SCFD2: variants seen among roughly 807,000 people sequenced by gnomAD.
SCFD2 encodes the protein sec1 family domain containing 2.
Under a neutral mutation model 58.9 loss-of-function variants are expected in SCFD2, and 54 were observed. That is an observed-to-expected ratio of 0.92 (90% CI 0.74 to 1.15). The LOEUF (loss-of-function observed/expected upper bound fraction) is 1.15, where lower values mean the gene tolerates loss of function less well. Ranked by LOEUF, SCFD2 falls within the 50% of genes most tolerant of loss-of-function variation. The pLI, the probability that SCFD2 is intolerant of heterozygous loss-of-function variation, is 0.00. For synonymous variants in SCFD2, 321 were observed against 335.9 expected (o/e 0.96, Z 0.49); for missense variants, 805 against 836.6 (o/e 0.96, Z 0.47).
intron 4 of SCFD2, among the ~76,000 whole-genome samples, chr4:53,211,724 T>C (rs1728619513): frequency 6.6e-6 from 1 of 152,124 alleles, no homozygotes; most frequent in Non-Finnish European, 1.5e-5. Context: ...TTCTTCTGTG[T>C]TGATGATTGT....
At chr4:52,907,354 T>C in intron 7 of SCFD2, 103 bp downstream of exon 7, 1 of 1,119,840 alleles carries the variant, frequency 8.9e-7, no homozygotes, top group Non-Finnish European at 1.3e-6. Flanking sequence ...ATACCAAATG[T>C]TATCTGTATG....
chr4:53,006,409 T>C (rs1282820200), intron 5 of SCFD2, among the ~76,000 whole-genome samples: 1 of 152,218 alleles, frequency 6.6e-6, no homozygotes, highest in African/African-American at 2.4e-5. Flanking sequence ...TATTCGCCTT[T>C]CATCAAAAAT....
chr4:53,232,978 A>G (rs1328783788), intron 4 of SCFD2, among the ~76,000 whole-genome samples: 1 of 152,140 alleles, frequency 6.6e-6, no homozygotes, highest in Non-Finnish European at 1.5e-5. Flanking sequence ...AGTCTCAGGC[A>G]CCCACTAATG....
At chr4:53,117,136 A>G (rs1019346514) in intron 5 of SCFD2, among the ~76,000 whole-genome samples, 1 of 152,142 alleles carries the variant, frequency 6.6e-6, no homozygotes, top group Non-Finnish European at 1.5e-5. Context: ...AACTTGAGGG[A>G]ATTCCAGACC....
At chr4:53,140,246 T>A (rs1441398736) in intron 5 of SCFD2, among the ~76,000 whole-genome samples, 1 of 151,220 alleles carries the variant, frequency 6.6e-6, no homozygotes, top group Non-Finnish European at 1.5e-5. Flanking sequence ...GAAAAAGGGA[T>A]ATCATTTAAA....
At chr4:53,338,324 G>A (rs1434227510) in intron 2 of SCFD2, among the ~76,000 whole-genome samples, 2 of 152,062 alleles carry the variant, frequency 1.3e-5, no homozygotes, top group Non-Finnish European at 2.9e-5. Context: ...AGAAATAATA[G>A]CTGAAAACTT....
At chr4:53,335,090 A>G (rs752672688) in intron 2 of SCFD2, among the ~76,000 whole-genome samples, 25 of 151,794 alleles carry the variant, frequency 1.6e-4, no homozygotes, top group Admixed American at 3.3e-4. Context: ...CCAGTTACTC[A>G]ATGACTGAGG....
intron 4 of SCFD2, among the ~76,000 whole-genome samples, chr4:53,185,195 A>C (rs967136206): frequency 1.3e-5 from 2 of 152,138 alleles, no homozygotes; most frequent in African/African-American, 2.4e-5. Flanking sequence ...TATTAAATTT[A>C]TGATAAGTAA....
chr4:52,983,826 G>C (rs1721431103), intron 5 of SCFD2, among the ~76,000 whole-genome samples: 1 of 152,170 alleles, frequency 6.6e-6, no homozygotes, highest in South Asian at 2.1e-4. Context: ...TCATTACCTG[G>C]AATATGGAAA....
At chr4:53,129,259 G>A (rs538535324) in intron 5 of SCFD2, among the ~76,000 whole-genome samples, 2 of 151,002 alleles carry the variant, frequency 1.3e-5, no homozygotes, top group African/African-American at 4.9e-5. Flanking sequence ...AAAACAAAAC[G>A]AACAGAAAAA....
intron 5 of SCFD2, among the ~76,000 whole-genome samples, chr4:52,947,768 G>T (rs1720472431): frequency 6.6e-6 from 1 of 150,680 alleles, no homozygotes; most frequent in South Asian, 2.1e-4. Context: ...AAAAATACAG[G>T]TGTACTAAAT....
rs1724130152 is a variant in SCFD2, at chr4:53,080,970, A to AT, written c.1561+64362_1561+64363insA. On this transcript the variant is annotated intron_variant, in intron 5 of 8. Transcript: ENST00000401642. ...GATGTTAAAATTGGAAAAAAATTGT[A>AT]CATCTTAAAGTAGATGAAATACATT... Among the ~76,000 whole-genome samples the AT allele has an allele frequency of 2.0e-5, 3 of 152,326 alleles. No individual in the cohort carries two copies. The South Asian group carries it at 6.2e-4, about 32-fold the overall frequency.
Position 53,325,363 on chromosome 4 carries a change from G to A in SCFD2, c.1008-11600C>T, listed in dbSNP as rs1342919540. Among the ~76,000 whole-genome samples the A allele has an allele frequency of 2.6e-5, 4 of 151,940 alleles. No individual in the cohort carries two copies. In the East Asian group the frequency reaches 7.7e-4, roughly 29 times the overall value. On this transcript the variant is annotated intron_variant, in intron 2 of 8. Transcript: ENST00000401642. ...AGCCATGACCCACCAAAACATAAAT[G>A]ATTAACAAAAATAATGATTGCACCA...
chr4:52,913,073 G>A (rs562539966), intron 6 of SCFD2, among the ~76,000 whole-genome samples: 2 of 152,154 alleles, frequency 1.3e-5, no homozygotes, highest in Non-Finnish European at 2.9e-5. Context: ...AGAAAAATTT[G>A]TTCTTTCCTT....
intron 3 of SCFD2, among the ~76,000 whole-genome samples, chr4:53,296,924 C>A (rs1404795689): frequency 6.6e-6 from 1 of 152,148 alleles, no homozygotes; most frequent in Non-Finnish European, 1.5e-5. Context: ...GGAGGTTGTT[C>A]AGTTTCCATG....
intron 4 of SCFD2, among the ~76,000 whole-genome samples, chr4:53,202,598 T>C (rs1336078819): frequency 2.0e-5 from 3 of 152,186 alleles, no homozygotes; most frequent in Admixed American, 6.5e-5. Context: ...TGGCATTGAA[T>C]CTGTAAATTA....
chr4:53,001,188 G>A (rs1363504310), intron 5 of SCFD2, among the ~76,000 whole-genome samples: 1 of 152,146 alleles, frequency 6.6e-6, no homozygotes, highest in Non-Finnish European at 1.5e-5. Context: ...TTTGGGGAGG[G>A]AGCATACAGT....
chr4:52,945,266 C>T (rs1412058498), intron 5 of SCFD2, among the ~76,000 whole-genome samples: 3 of 152,140 alleles, frequency 2.0e-5, no homozygotes, highest in South Asian at 4.1e-4. Context: ...AAATTTCATT[C>T]GAGATCACAT....
chr4:53,114,429 C>T (rs936838010), intron 5 of SCFD2, among the ~76,000 whole-genome samples: 1 of 152,096 alleles, frequency 6.6e-6, no homozygotes, highest in African/African-American at 2.4e-5. Context: ...ATGCAAAAAA[C>T]CATACTTTGA....
Sources: gnomAD v4.1 joint callset for allele counts (sites outside exome capture counted in the v4.1 genomes callset) on GRCh38, gnomAD v4.1.1 for gene constraint, MANE v1.5 for transcripts, NCBI Gene and HGNC (gene_info 2026-07-23, HGNC 2026-07-21) for gene names.